Variants in RAD51B observed in about 807,000 individuals in gnomAD.
RAD51B encodes DNA repair protein RAD51 homolog 2.
RAD51B carries 38 observed loss-of-function variants against 42.2 expected under a neutral mutation model. That is an observed-to-expected ratio of 0.90 (90% CI 0.70 to 1.18). The LOEUF (loss-of-function observed/expected upper bound fraction) is 1.18, where lower values mean the gene tolerates loss of function less well. RAD51B is among the 50% of genes most tolerant of loss of function. The pLI is 0.00. For synonymous variants in RAD51B, 154 were observed against 145.2 expected (o/e 1.06, Z -0.43); for missense variants, 373 against 400.7 (o/e 0.93, Z 0.59).
At chr14:68,479,793 G>A (rs1269648819), downstream of RAD51B, among the ~76,000 whole-genome samples, 4 of 144,760 alleles carry the variant, frequency 2.8e-5, no homozygotes, top group East Asian at 2.2e-4. Context: ...CTCAGCCTCC[G>A]AAGTAGCTGG....
At chr14:68,502,127 G>A (rs1393742218) in intron 10 of RAD51B, among the ~76,000 whole-genome samples, 1 of 152,232 alleles carries the variant, frequency 6.6e-6, no homozygotes, top group Non-Finnish European at 1.5e-5. Flanking sequence ...GTTTGAGTTT[G>A]GCCAAAGCAG....
chr14:68,221,511 C>T (rs2079926637), intron 7 of RAD51B, among the ~76,000 whole-genome samples: 1 of 152,196 alleles, frequency 6.6e-6, no homozygotes, highest in Admixed American at 6.5e-5. Context: ...AAACTGGATC[C>T]TCATCTCTAA....
At chr14:68,622,737 A>AC (rs1034097767) in intron 10 of RAD51B, among the ~76,000 whole-genome samples, 1 of 151,784 alleles carries the variant, frequency 6.6e-6, no homozygotes, top group African/African-American at 2.4e-5. Flanking sequence ...AAAAAAAAAA[A>AC]AAAAAACTGG....
intron 4 of RAD51B, among the ~76,000 whole-genome samples, chr14:67,837,157 ACACACACACACACG>A (rs2041271354): frequency 6.7e-6 from 1 of 149,834 alleles, no homozygotes. Context: ...ACACACACAT[ACACACACACACACG>A]CACACACACA....
chr14:67,995,500 A>G (rs1299995808), intron 7 of RAD51B, among the ~76,000 whole-genome samples: 1 of 152,078 alleles, frequency 6.6e-6, no homozygotes, highest in East Asian at 1.9e-4. Context: ...TTTTTCTCAC[A>G]CATTTATCCT....
intron 7 of RAD51B, among the ~76,000 whole-genome samples, chr14:68,064,462 G>T (rs373711046): frequency 2.6e-5 from 4 of 152,018 alleles, no homozygotes; most frequent in African/African-American, 9.7e-5. Context: ...CTAGATTTTT[G>T]AGCTTCCTGG....
At chr14:68,400,934 G>C (rs1199631236) in intron 8 of RAD51B, among the ~76,000 whole-genome samples, 1 of 152,130 alleles carries the variant, frequency 6.6e-6, no homozygotes, top group Admixed American at 6.5e-5. Flanking sequence ...AGGTAGCAAG[G>C]GGAAAGCTGT....
chr14:68,639,047 C>T (rs1002383459), intron 10 of RAD51B, among the ~76,000 whole-genome samples: 3 of 151,940 alleles, frequency 2.0e-5, no homozygotes, highest in East Asian at 1.9e-4. Context: ...AGCAACCCCA[C>T]GTAGACTGAA....
chr14:68,464,023 C>G (rs1009168772), intron 9 of RAD51B, among the ~76,000 whole-genome samples: 2 of 152,222 alleles, frequency 1.3e-5, no homozygotes, highest in African/African-American at 4.8e-5. Context: ...GAATCTCATT[C>G]TGGCTGTTCC....
chr14:68,041,468 A>T (rs2076216335), intron 7 of RAD51B, among the ~76,000 whole-genome samples: 1 of 151,954 alleles, frequency 6.6e-6, no homozygotes, highest in African/African-American at 2.4e-5. Flanking sequence ...AATCCTTTTG[A>T]TTATTTTTTC....
At chr14:68,669,045 G>A (rs1226173155) in intron 11 of RAD51B, among the ~76,000 whole-genome samples, 1 of 152,222 alleles carries the variant, frequency 6.6e-6, no homozygotes, top group Non-Finnish European at 1.5e-5. Context: ...AGTCCAGAAA[G>A]AGTCTTACCT....
chr14:68,588,936 A>G (rs1041570778), intron 10 of RAD51B, among the ~76,000 whole-genome samples: 1 of 152,176 alleles, frequency 6.6e-6, no homozygotes, highest in Non-Finnish European at 1.5e-5. Context: ...TGCTTTCCCA[A>G]CGGGGCTTGG....
intron 10 of RAD51B, among the ~76,000 whole-genome samples, chr14:68,609,342 A>G (rs1333596111): frequency 6.6e-6 from 1 of 152,044 alleles, no homozygotes; most frequent in African/African-American, 2.4e-5. Flanking sequence ...CAGATGCCCC[A>G]GATCCCCACC....
intron 9 of RAD51B, among the ~76,000 whole-genome samples, chr14:68,422,617 A>G (rs2084736133): frequency 6.6e-6 from 1 of 151,912 alleles, no homozygotes; most frequent in Non-Finnish European, 1.5e-5. Context: ...AAAGGTTTAC[A>G]TTGTGGAGGT....
At chr14:68,672,626 T>C (rs1893181844) in intron 11 of RAD51B, among the ~76,000 whole-genome samples, 2 of 152,224 alleles carry the variant, frequency 1.3e-5, no homozygotes, top group Non-Finnish European at 2.9e-5. Context: ...GCTAGTTATA[T>C]AGCCCAGAAT....
downstream of RAD51B, among the ~76,000 whole-genome samples, chr14:68,482,233 C>T (rs1215977044): frequency 1.3e-5 from 2 of 151,072 alleles, no homozygotes; most frequent in Non-Finnish European, 2.9e-5. Context: ...CTTTGTCTCC[C>T]TAATCCTGCT....
intron 7 of RAD51B, among the ~76,000 whole-genome samples, chr14:67,938,497 G>A (rs1460471398): frequency 6.6e-6 from 1 of 152,184 alleles, no homozygotes; most frequent in African/African-American, 2.4e-5. Context: ...GCATAATGGC[G>A]ACATAATTGA....
intron 7 of RAD51B, among the ~76,000 whole-genome samples, chr14:68,208,062 T>C (rs1487922322): frequency 2.0e-5 from 3 of 152,030 alleles, no homozygotes; most frequent in Non-Finnish European, 4.4e-5. Context: ...TTAGGGAAAC[T>C]CATGTTTTTC....
intron 7 of RAD51B, among the ~76,000 whole-genome samples, chr14:67,963,504 G>A (rs191633874): frequency 6.6e-6 from 1 of 151,960 alleles, no homozygotes; most frequent in Non-Finnish European, 1.5e-5. Context: ...AAATACTTAC[G>A]CAGTTTTATA....
Sources: allele counts gnomAD v4.1 joint callset (sites outside exome capture counted in the v4.1 genomes callset), GRCh38; gene constraint gnomAD v4.1.1; transcripts MANE v1.5; gene names NCBI Gene and HGNC (gene_info 2026-07-23, HGNC 2026-07-21).